EIF4G3: variants seen among roughly 807,000 people sequenced by gnomAD.
EIF4G3 encodes the protein eukaryotic translation initiation factor 4 gamma 3, also known as eIF-4-gamma 3.
In EIF4G3, 34 loss-of-function variants were observed where a neutral mutation model predicts 186.4. The observed-to-expected ratio is 0.18, with a 90% confidence interval of 0.14 to 0.24. The LOEUF is 0.24. EIF4G3 is among the 10% of genes least tolerant of loss of function. The pLI is 1.00. For synonymous variants in EIF4G3, 673 were observed against 679.5 expected, an observed-to-expected ratio of 0.99 and a Z score of 0.15; for missense variants, 1,536 against 1,948.5, an observed-to-expected ratio of 0.79 and a Z score of 3.99.
At chr1:21,125,995 G>C (rs919313842) in intron 2 of EIF4G3, among the ~76,000 whole-genome samples, 4 of 151,650 alleles carry the variant, frequency 2.6e-5, no homozygotes, top group Non-Finnish European at 5.9e-5. Context: ...CTTGAGTCCA[G>C]GAGTTTGAGA....
chr1:20,952,859 G>GCAAA (rs71014132), intron 12 of EIF4G3, among the ~76,000 whole-genome samples: 55,001 of 151,004 alleles, frequency 0.36, 10,123 homozygotes, highest in Non-Finnish European at 0.38. Flanking sequence ...TCGAAAACAA[G>GCAAA]CAAACAAACA....
At chr1:20,880,020 T>C (rs1366492064) in intron 19 of EIF4G3, among the ~76,000 whole-genome samples, 1 of 149,320 alleles carries the variant, frequency 6.7e-6, no homozygotes, top group Non-Finnish European at 1.5e-5. Context: ...TTGTAAAAAC[T>C]CTAAAAAAAA....
intron 30 of EIF4G3, among the ~76,000 whole-genome samples, chr1:20,830,470 CATT>C (rs1272162079): frequency 5.9e-5 from 9 of 152,302 alleles, no homozygotes; most frequent in African/African-American, 1.7e-4. Flanking sequence ...CAGGTTCTCT[CATT>C]ATGTGCATAC....
At chr1:20,814,830 C>T (rs1352056094) in intron 34 of EIF4G3, among the ~76,000 whole-genome samples, 1 of 119,304 alleles carries the variant, frequency 8.4e-6, no homozygotes, top group Non-Finnish European at 1.7e-5. Context: ...CCTCTGATGC[C>T]GAGCCAAAGC....
intron 15 of EIF4G3, among the ~76,000 whole-genome samples, chr1:20,901,689 T>C (rs1232484749): frequency 6.6e-6 from 1 of 152,160 alleles, no homozygotes; most frequent in Admixed American, 6.5e-5. Flanking sequence ...CTGAGGTGTA[T>C]TACTATGAGG....
chr1:20,872,713 C>CTTTTT (rs386366427), intron 20 of EIF4G3, among the ~76,000 whole-genome samples: 3 of 81,878 alleles, frequency 3.7e-5, no homozygotes, highest in Non-Finnish European at 5.1e-5. Context: ...ACTTTCTTGC[C>CTTTTT]TTTTTTTTTT....
intron 20 of EIF4G3, among the ~76,000 whole-genome samples, chr1:20,872,013 A>C (rs2079336212): frequency 6.6e-6 from 1 of 152,098 alleles, no homozygotes; most frequent in Non-Finnish European, 1.5e-5. Context: ...CCAACAGTAC[A>C]AAATAACATA....
At chr1:20,977,104 G>GT (rs1416660253) in intron 10 of EIF4G3, among the ~76,000 whole-genome samples, 3 of 150,198 alleles carry the variant, frequency 2.0e-5, no homozygotes, top group African/African-American at 7.3e-5. Context: ...AAAAAAATAC[G>GT]TATCAAACTG....
intron 2 of EIF4G3, among the ~76,000 whole-genome samples, chr1:21,107,332 T>C (rs1572651796): frequency 6.6e-6 from 1 of 152,070 alleles, no homozygotes; most frequent in South Asian, 2.1e-4. Context: ...TGTACCACCA[T>C]GCCCAGCTAA....
chr1:20,986,744 CAAAAAAAAAAAAAAAA>C (rs61255473), intron 7 of EIF4G3, among the ~76,000 whole-genome samples: 7 of 66,304 alleles, frequency 1.1e-4, no homozygotes, highest in Non-Finnish European at 1.7e-4. Context: ...GCTCTGTCTC[CAAAAAAAAAAAAAAAA>C]AAAAAAAAAA....
intron 29 of EIF4G3, among the ~76,000 whole-genome samples, chr1:20,843,685 G>A (rs139309157): frequency 4.1e-4 from 62 of 152,276 alleles, no homozygotes; most frequent in African/African-American, 1.4e-3. Context: ...TGTGCAGGAT[G>A]TGCAGCTTTG....
intron 33 of EIF4G3, 86 bp downstream of exon 33, chr1:20,825,014 A>T: frequency 1.2e-6 from 1 of 815,808 alleles, no homozygotes; most frequent in Non-Finnish European, 1.9e-6. Flanking sequence ...AATTTTAACG[A>T]CTGGAATACG....
chr1:20,991,940 A>C (rs2081229098), intron 7 of EIF4G3, among the ~76,000 whole-genome samples: 1 of 152,252 alleles, frequency 6.6e-6, no homozygotes, highest in African/African-American at 2.4e-5. Context: ...CACCACACCC[A>C]TAGGAAATAT....
chr1:21,176,657 C>G, intron 1 of EIF4G3, 65 bp downstream of exon 1: 1 of 507,252 alleles, frequency 2.0e-6, no homozygotes, highest in African/African-American at 2.1e-5. Flanking sequence ...CTGCCGGTCT[C>G]CGTGACAACG....
At chr1:20,879,933 A>AAAT (rs1056875504) in intron 19 of EIF4G3, among the ~76,000 whole-genome samples, 7 of 152,234 alleles carry the variant, frequency 4.6e-5, no homozygotes, top group African/African-American at 1.7e-4. Flanking sequence ...TGATGTAAAA[A>AAAT]AATAGAAATT....
intron 35 of EIF4G3, among the ~76,000 whole-genome samples, 164 bp downstream of exon 35, chr1:20,812,994 C>T (rs2059575737): frequency 1.3e-5 from 2 of 152,156 alleles, no homozygotes; most frequent in African/African-American, 4.8e-5. Flanking sequence ...CTATTTGTCT[C>T]CACGCTTGAG....
chr1:20,829,313 T>C lies in EIF4G3; in HGVS notation c.4062-41A>G, dbSNP rs2064472221. 4 of 1,601,300 alleles carry C rather than the reference T, an allele frequency of 2.5e-6. No individual in the cohort carries two copies. The South Asian group carries it at 3.4e-5, about 14-fold the overall frequency. On this transcript the variant is annotated intron_variant, in intron 30 of 36. Transcript: ENST00000602326. ...GGGTAAAAATCACATGCAAATGTAA[T>C]TCAAAAGTTAAAATTAAATAAAGAG...
chr1:20,886,903 G>A (rs1265414182), intron 18 of EIF4G3, among the ~76,000 whole-genome samples: 1 of 151,388 alleles, frequency 6.6e-6, no homozygotes, highest in Non-Finnish European at 1.5e-5. Context: ...ATTACTCCCT[G>A]AAAAAAAAGG....
At chr1:20,960,705 G>A (rs1336578755) in intron 12 of EIF4G3, among the ~76,000 whole-genome samples, 3 of 152,270 alleles carry the variant, frequency 2.0e-5, no homozygotes, top group Admixed American at 6.5e-5. Flanking sequence ...GCTGCAGTGA[G>A]CTGTGACTGT....
Sources: allele counts gnomAD v4.1 joint callset (sites outside exome capture counted in the v4.1 genomes callset), GRCh38; gene constraint gnomAD v4.1.1; transcripts MANE v1.5; gene names NCBI Gene and HGNC (gene_info 2026-07-23, HGNC 2026-07-21).